SH3PXD2B: variants seen among roughly 807,000 people sequenced by gnomAD.
SH3PXD2B encodes SH3 and PX domains 2B.
Under a neutral mutation model 73.1 loss-of-function variants are expected in SH3PXD2B, and 37 were observed. That is an observed-to-expected ratio of 0.51 (90% CI 0.39 to 0.67). SH3PXD2B has a LOEUF of 0.67. Among genes scored for constraint, SH3PXD2B ranks in the 30% least tolerant of loss-of-function variants. The pLI, the probability that SH3PXD2B is intolerant of heterozygous loss-of-function variation, is 0.00. For synonymous variants in SH3PXD2B, 457 were observed against 480.5 expected (o/e 0.95, Z 0.64); for missense variants, 1,053 against 1,197.8 (o/e 0.88, Z 1.78).
intron 9 of SH3PXD2B, among the ~76,000 whole-genome samples, chr5:172,352,664 A>G (rs1757182231): frequency 1.3e-5 from 2 of 152,102 alleles, no homozygotes; most frequent in Non-Finnish European, 1.5e-5. Flanking sequence ...TTCCCATGCT[A>G]TTCTCGTGAT....
chr5:172,389,962 C>T (rs1194457990), intron 4 of SH3PXD2B, among the ~76,000 whole-genome samples: 1 of 152,204 alleles, frequency 6.6e-6, no homozygotes, highest in East Asian at 1.9e-4. Context: ...AAGCAGTCTT[C>T]CCACCTTAGC....
chr5:172,382,085 C>G lies in SH3PXD2B; in HGVS notation c.352G>C (p.Val118Leu). 6.2e-7 allele frequency: 1 copy of G among 1,612,066 alleles called. No homozygotes were observed. The highest frequency in any genetic ancestry group is 8.5e-7 in the Non-Finnish European group (1 of 1,179,344). Reference protein sequence around the residue: ...LPPYISQCDEVLQFFETRPED... With the variant: ...LPPYISQCDELLQFFETRPED... The stretch of plus-strand genomic sequence containing the variant: ...GGTCTTGTCTCAAAGAACTGCAGCA[C>G]CTCATCACACTGAGAGATGTAGGGG... Residue 118 changes from valine to leucine, a missense_variant, in exon 5 of 13, where the codon GTG becomes CTG. Transcript: ENST00000311601.
intron 3 of SH3PXD2B, among the ~76,000 whole-genome samples, chr5:172,400,024 C>T (rs1032852134): frequency 2.6e-5 from 4 of 152,186 alleles, no homozygotes; most frequent in East Asian, 1.9e-4. Flanking sequence ...TAAATACCCC[C>T]CTCTGTGCCT....
chr5:172,328,542 C>A (rs1221852926), downstream of SH3PXD2B, among the ~76,000 whole-genome samples: 4 of 152,154 alleles, frequency 2.6e-5, no homozygotes, highest in Non-Finnish European at 5.9e-5. Context: ...GCTCCCTGTT[C>A]TCCTCCCCTG....
chr5:172,353,017 G>T lies in SH3PXD2B; in HGVS notation c.785+871C>A, dbSNP rs1030700366. Among the ~76,000 whole-genome samples, 7 of 151,994 alleles carry T rather than the reference G, an allele frequency of 4.6e-5. No individual in the cohort carries two copies. Among genetic ancestry groups the T allele is most frequent in the African/African-American group, 1.7e-4 (7 of 41,346 alleles). ...AGTCCCCATGCATCCCTCCAACATG[G>T]CCAACCCTCTGCTCTATCACCGTTT... On this transcript the variant is annotated intron_variant, in intron 9 of 12. Coordinates refer to ENST00000311601, the MANE Select transcript of SH3PXD2B (RefSeq NM_001017995.3). This position sits in a 1 kb window ranked among gnomAD's most constrained non-coding sequence, Gnocchi z 4.3.
At chr5:172,404,316 A>ATT (rs200906488) in intron 3 of SH3PXD2B, among the ~76,000 whole-genome samples, 133 of 150,372 alleles carry the variant, frequency 8.8e-4, no homozygotes, top group African/African-American at 3.0e-3. Flanking sequence ...ATATATATAT[A>ATT]TTTTTTTTTG....
At position 172,325,336 on chromosome 5, in the gene SH3PXD2B, A is replaced by G. The variant is rs1225252655; in HGVS notation, c.1233T>C (p.Leu411=). The G allele has an allele frequency of 1.3e-5, 20 of 1,535,470 alleles. No individual in the cohort carries two copies. In the Admixed American group the frequency reaches 2.9e-4, roughly 23 times the overall value. The change falls in exon 13 of 13, where the codon CTT becomes CTC. Residue 411 remains leucine (L), a synonymous_variant. Coordinates refer to the SH3PXD2B transcript ENST00000519643. Reference sequence around the variant, plus strand: ...GTGCTGTCCGCATCTTGATTCTTCTAAGAGGGACTTCCACAGGGCTCTCCA... The same window carrying G: ...GTGCTGTCCGCATCTTGATTCTTCTGAGAGGGACTTCCACAGGGCTCTCCA...
At chr5:172,433,373 C>T (rs563925199) in intron 1 of SH3PXD2B, among the ~76,000 whole-genome samples, 9 of 152,124 alleles carry the variant, frequency 5.9e-5, no homozygotes, top group Non-Finnish European at 1.2e-4. Context: ...GTCAGTGGTT[C>T]GCTTTGGGGT....
At chr5:172,358,921 T>C in intron 7 of SH3PXD2B, 44 bp from the exon 8 acceptor site, 11 of 1,565,800 alleles carry the variant, frequency 7.0e-6, no homozygotes, top group Non-Finnish European at 9.6e-6. Flanking sequence ...GCATCAAGCA[T>C]GAGGCCGGGG....
intron 6 of SH3PXD2B, among the ~76,000 whole-genome samples, 168 bp downstream of exon 6, chr5:172,373,622 C>A (rs371893782): frequency 2.2e-5 from 3 of 135,322 alleles, no homozygotes; most frequent in African/African-American, 5.5e-5. Flanking sequence ...CCATCCATCC[C>A]TCCACCAGTT....
chr5:172,416,999 A>G (rs1311763052), intron 2 of SH3PXD2B, among the ~76,000 whole-genome samples: 1 of 151,986 alleles, frequency 6.6e-6, no homozygotes, highest in African/African-American at 2.4e-5. Context: ...GTGAGCCATC[A>G]CACTCGGTGA....
At chr5:172,444,642 C>T (rs1298363042) in intron 1 of SH3PXD2B, among the ~76,000 whole-genome samples, 1 of 152,030 alleles carries the variant, frequency 6.6e-6, no homozygotes, top group Non-Finnish European at 1.5e-5. Flanking sequence ...TTGCAGAGTC[C>T]CCTCTAATAA....
At chr5:172,425,812 C>T (rs530152902) in intron 1 of SH3PXD2B, among the ~76,000 whole-genome samples, 1 of 152,170 alleles carries the variant, frequency 6.6e-6, no homozygotes, top group South Asian at 2.1e-4. Context: ...GGCAGGGACA[C>T]CAGTAAGGCA....
At chr5:172,434,374 T>G (rs1759319620) in intron 1 of SH3PXD2B, among the ~76,000 whole-genome samples, 1 of 152,176 alleles carries the variant, frequency 6.6e-6, no homozygotes. Flanking sequence ...ACCCCTGGGT[T>G]AGCTGACATC....
At chr5:172,355,278 C>T (rs564035636) in intron 8 of SH3PXD2B, among the ~76,000 whole-genome samples, 1 of 152,238 alleles carries the variant, frequency 6.6e-6, no homozygotes, top group African/African-American at 2.4e-5. Flanking sequence ...AGCCTGCTGA[C>T]CTGCTCGGCG....
In SH3PXD2B at chr5:172,358,769, C is replaced by T. The variant is rs763652816; in HGVS notation, c.667+4G>A. On this transcript the variant is annotated splice_donor_region_variant and intron_variant, in intron 8 of 12. Transcript: ENST00000311601. ...AGTGAGCAGAGGCTCGAGCTCCTCC[C>T]TACCTTCTTCAGGCTGCAGAGAAAA... 7.5e-6 allele frequency: 12 copies of T among 1,610,328 alleles called. No homozygotes were observed. The highest frequency in any genetic ancestry group is 8.5e-6 in the Non-Finnish European group (10 of 1,178,636).
At chr5:172,360,889 TTGTTG>T (rs1211895621) in intron 7 of SH3PXD2B, among the ~76,000 whole-genome samples, 2 of 152,202 alleles carry the variant, frequency 1.3e-5, no homozygotes, top group Non-Finnish European at 2.9e-5. Flanking sequence ...GCTGTTTCAC[TTGTTG>T]GAATCTAACC....
At chr5:172,400,043 C>T (rs558026711) in intron 3 of SH3PXD2B, among the ~76,000 whole-genome samples, 8 of 152,270 alleles carry the variant, frequency 5.3e-5, no homozygotes, top group Admixed American at 4.6e-4. Flanking sequence ...CTTGAACATG[C>T]ACCTGGTTGT....
At chr5:172,446,536 G>A (rs1451094589) in intron 1 of SH3PXD2B, among the ~76,000 whole-genome samples, 1 of 152,190 alleles carries the variant, frequency 6.6e-6, no homozygotes, top group African/African-American at 2.4e-5. Context: ...GAGGAAAAAA[G>A]GATGCACAAT....
Sources: allele counts gnomAD v4.1 joint callset (sites outside exome capture counted in the v4.1 genomes callset), GRCh38; gene constraint gnomAD v4.1.1; non-coding constraint Gnocchi (gnomAD v3.1); transcripts MANE v1.5; gene names NCBI Gene and HGNC (gene_info 2026-07-23, HGNC 2026-07-21).